Variants in AATF observed in about 807,000 individuals in gnomAD.
AATF encodes protein AATF.
In AATF, 48 loss-of-function variants were observed where a neutral mutation model predicts 63.7. That is an observed-to-expected ratio of 0.75 (90% CI 0.60 to 0.96). The LOEUF (loss-of-function observed/expected upper bound fraction) is 0.96. AATF is among the 40% of genes least tolerant of loss of function. The pLI, the probability that AATF is intolerant of heterozygous loss-of-function variation, is 0.00. For missense variants in AATF, 639 were observed against 685.7 expected (o/e 0.93, Z 0.76); for synonymous variants, 258 against 247.7 (o/e 1.04, Z -0.39).
chr17:37,048,580 A>G (rs2071716675), intron 11 of AATF, among the ~76,000 whole-genome samples: 1 of 151,964 alleles, frequency 6.6e-6, no homozygotes, highest in South Asian at 2.1e-4. Context: ...CATGTTGGCC[A>G]TGCTGGTCTC....
chr17:36,989,129 C>T, intron 6 of AATF, 118 bp from the exon 7 acceptor site: 2 of 1,174,366 alleles, frequency 1.7e-6, no homozygotes, highest in Middle Eastern at 3.0e-4. Flanking sequence ...TACAGAAAGT[C>T]CCTCCTGAAA....
chr17:37,010,541 A>T (rs773895097), intron 8 of AATF, among the ~76,000 whole-genome samples: 18 of 152,120 alleles, frequency 1.2e-4, no homozygotes, highest in Non-Finnish European at 2.2e-4. Flanking sequence ...TGGAGTGGTG[A>T]TTGTGTTCAG....
At chr17:37,003,959 G>C (rs75409868) in intron 8 of AATF, among the ~76,000 whole-genome samples, 2 of 152,066 alleles carry the variant, frequency 1.3e-5, no homozygotes, top group African/African-American at 4.8e-5. Flanking sequence ...CAAAAAATTA[G>C]CAGGGCATGG....
At chr17:37,026,097 T>C (rs935623593) in intron 10 of AATF, among the ~76,000 whole-genome samples, 8 of 152,080 alleles carry the variant, frequency 5.3e-5, no homozygotes, top group African/African-American at 1.9e-4. Context: ...AACCTTAATC[T>C]CATCATAAAA....
chr17:37,000,510 G>T (rs971706174), intron 8 of AATF, among the ~76,000 whole-genome samples: 3 of 152,150 alleles, frequency 2.0e-5, no homozygotes, highest in Admixed American at 1.3e-4. Context: ...TTTGGTTACA[G>T]ATTAGTTATA....
At chr17:37,037,010 G>GTTT (rs374106722) in intron 11 of AATF, among the ~76,000 whole-genome samples, 5 of 133,470 alleles carry the variant, frequency 3.7e-5, no homozygotes, top group East Asian at 2.2e-4. Context: ...TCATCTTTTT[G>GTTT]TTTTTTTTTT....
At chr17:37,049,897 C>T (rs1353708678) in intron 11 of AATF, among the ~76,000 whole-genome samples, 1 of 152,072 alleles carries the variant, frequency 6.6e-6, no homozygotes, top group Non-Finnish European at 1.5e-5. Context: ...AGTATGTGTT[C>T]AGAGTGCAGG....
rs375764896 is a variant in AATF, at chr17:37,013,018, T to C, written c.1399-5987T>C. Among the ~76,000 whole-genome samples the C allele has an allele frequency of 3.9e-5, 6 of 152,310 alleles. No homozygotes were observed. In the East Asian group the frequency reaches 5.8e-4, roughly 15 times the overall value. On this transcript the variant is annotated intron_variant, in intron 8 of 11. Transcript: ENST00000619387. The stretch of plus-strand genomic sequence containing the variant: ...TGGACTGTATCAAAATTAAAAACTT[T>C]CCTGCCTCAAATGACACTCTCAAGA...
At chr17:37,015,161 T>C (rs2071420014) in intron 8 of AATF, among the ~76,000 whole-genome samples, 2 of 152,362 alleles carry the variant, frequency 1.3e-5, no homozygotes, top group South Asian at 2.1e-4. Flanking sequence ...AAGTTTATTA[T>C]TCGGAATCTC....
At chr17:36,998,830 C>G (rs1240966664) in intron 8 of AATF, 1 of 152,178 alleles carries the variant, frequency 6.6e-6, no homozygotes, top group Non-Finnish European at 1.5e-5. Context: ...GAGTGAATAT[C>G]TATGCAGTCA....
At chr17:37,041,973 A>G (rs2071644107) in intron 11 of AATF, among the ~76,000 whole-genome samples, 1 of 152,246 alleles carries the variant, frequency 6.6e-6, no homozygotes, top group African/African-American at 2.4e-5. Flanking sequence ...AGTATTAATC[A>G]TGTATTTCTA....
At chr17:37,004,286 G>T (rs752169490) in intron 8 of AATF, among the ~76,000 whole-genome samples, 15 of 152,048 alleles carry the variant, frequency 9.9e-5, no homozygotes, top group South Asian at 2.1e-4. Flanking sequence ...AGCTGAGATC[G>T]CACCATTGCA....
chr17:36,982,311 G>A (rs1008272745), intron 4 of AATF, among the ~76,000 whole-genome samples: 1 of 150,584 alleles, frequency 6.6e-6, no homozygotes, highest in African/African-American at 2.4e-5. Context: ...AACTGTGATG[G>A]TGGGATTATT....
chr17:36,984,220 T>C (rs1288075058), intron 4 of AATF, among the ~76,000 whole-genome samples: 1 of 152,150 alleles, frequency 6.6e-6, no homozygotes, highest in Admixed American at 6.5e-5. Context: ...CTACAGTTAC[T>C]AAGTGAAAAA....
intron 8 of AATF, among the ~76,000 whole-genome samples, chr17:37,013,006 A>C (rs146647734): frequency 6.6e-6 from 1 of 152,360 alleles, no homozygotes; most frequent in East Asian, 1.9e-4. Flanking sequence ...ACTGTATCAA[A>C]ATTAAAAACT....
At chr17:36,993,565 T>C (rs1462930653) in intron 8 of AATF, among the ~76,000 whole-genome samples, 1 of 152,208 alleles carries the variant, frequency 6.6e-6, no homozygotes, top group African/African-American at 2.4e-5. Context: ...CTTTCCTTTA[T>C]TTGTCAGAGT....
At chr17:36,956,825 A>G (rs1480953245) in intron 4 of AATF, among the ~76,000 whole-genome samples, 1 of 152,112 alleles carries the variant, frequency 6.6e-6, no homozygotes, top group Non-Finnish European at 1.5e-5. Flanking sequence ...AAAAATAAAA[A>G]TATTAGCCAG....
intron 8 of AATF, among the ~76,000 whole-genome samples, chr17:37,004,243 A>G (rs2071324509): frequency 6.6e-6 from 1 of 152,184 alleles, no homozygotes; most frequent in South Asian, 2.1e-4. Context: ...AGGCAGGAGA[A>G]TTGCTTGAAT....
At chr17:37,017,029 A>G (rs905315251) in intron 8 of AATF, among the ~76,000 whole-genome samples, 1 of 152,228 alleles carries the variant, frequency 6.6e-6, no homozygotes, top group Non-Finnish European at 1.5e-5. Flanking sequence ...TTGAAAGTAA[A>G]TGCTGCACCA....
Sources: gnomAD v4.1 joint callset for allele counts (sites outside exome capture counted in the v4.1 genomes callset) on GRCh38, gnomAD v4.1.1 for gene constraint, MANE v1.5 for transcripts, NCBI Gene and HGNC (gene_info 2026-07-23, HGNC 2026-07-21) for gene names.